DARS1: variants seen among roughly 807,000 people sequenced by gnomAD.
DARS1 encodes the protein aspartate--tRNA ligase, cytoplasmic.
In DARS1, 51 loss-of-function variants were observed where a neutral mutation model predicts 68.8. The observed-to-expected ratio is 0.74, with a 90% CI of 0.59 to 0.94. DARS1 has a LOEUF of 0.94. Among genes scored for constraint, DARS1 ranks in the 40% least tolerant of loss-of-function variants. The pLI, the probability that DARS1 is intolerant of heterozygous loss-of-function variation, is 0.00. For missense variants in DARS1, 607 were observed against 597.3 expected (o/e 1.02, Z -0.17); for synonymous variants, 203 against 190.4 (o/e 1.07, Z -0.55).
chr2:135,907,418 C>T lies in DARS1; in HGVS notation c.1415-11G>A, dbSNP rs1206183632. 1 of 1,581,550 alleles carries T rather than the reference C, an allele frequency of 6.3e-7. No individual in the cohort carries two copies. Among genetic ancestry groups the T allele is most frequent in the African/African-American group, 1.4e-5 (1 of 73,794 alleles). ...TAACTCGTTCCAATCCTGGGGAAGA[C>T]AAAAATAATCATTAATTCCTTTTTG... On this transcript the variant is annotated splice_polypyrimidine_tract_variant and intron_variant, in intron 15 of 15. Coordinates refer to ENST00000264161, the MANE Select transcript of DARS1 (RefSeq NM_001349.4).
At chr2:135,979,049 A>T in intron 3 of DARS1, 1 of 368,416 alleles carries the variant, frequency 2.7e-6, no homozygotes, top group Non-Finnish European at 4.8e-6. Context: ...AGTAGCTTGA[A>T]GTCTTAGATT....
chr2:135,949,785 T>C (rs958253097), intron 4 of DARS1, among the ~76,000 whole-genome samples: 38 of 152,204 alleles, frequency 2.5e-4, no homozygotes, highest in African/African-American at 8.4e-4. Context: ...GATTACTCTA[T>C]TGATGAATTG....
At chr2:135,963,453 C>A (rs1327631611) in intron 3 of DARS1, among the ~76,000 whole-genome samples, 1 of 151,352 alleles carries the variant, frequency 6.6e-6, no homozygotes, top group East Asian at 1.9e-4. Context: ...CTCACTGCAA[C>A]CTCCGCCCCC....
chr2:135,936,931 G>C (rs752932202), intron 5 of DARS1, among the ~76,000 whole-genome samples: 8 of 152,118 alleles, frequency 5.3e-5, no homozygotes, highest in Non-Finnish European at 8.8e-5. Flanking sequence ...ATGTGCACAC[G>C]GATCAGGGCG....
At position 135,906,983 on chromosome 2, in the gene DARS1, C is replaced by T. The variant is rs1374681932; in HGVS notation, c.*333G>A. 6.2e-6 allele frequency: 1 copy of T among 160,850 alleles called. No homozygotes were observed. The highest frequency in any genetic ancestry group is 1.4e-5 in the Non-Finnish European group (1 of 73,668). 10.0% of individuals were successfully genotyped at this position (160,850 alleles called of 1,614,324 possible). A position where few individuals can be genotyped will look rare whatever the true frequency, so the allele number is the denominator to read the frequency against. Reference sequence around the variant, plus strand: ...TAGAAAAGAAGAAAAATTGTACAATCTTAACTGTTTAAAACTCTTAACGTT... The same window carrying T: ...TAGAAAAGAAGAAAAATTGTACAATTTTAACTGTTTAAAACTCTTAACGTT... On this transcript the variant is annotated 3_prime_UTR_variant, in exon 16 of 16. Transcript: ENST00000264161.
At chr2:135,968,039 C>CACCTGAGGTCAGGAG (rs1682277220) in intron 3 of DARS1, among the ~76,000 whole-genome samples, 1 of 152,140 alleles carries the variant, frequency 6.6e-6, no homozygotes, top group South Asian at 2.1e-4. Context: ...GTGGGCAGAT[C>CACCTGAGGTCAGGAG]ACCTGAGGTC....
At chr2:135,914,784 T>C in intron 11 of DARS1, 1 of 296,150 alleles carries the variant, frequency 3.4e-6, no homozygotes. Context: ...AGAAATATCA[T>C]GGATGAAGTA....
intron 3 of DARS1, among the ~76,000 whole-genome samples, chr2:135,978,330 C>A (rs964153372): frequency 6.6e-6 from 1 of 151,954 alleles, no homozygotes. Flanking sequence ...TTAAATACTA[C>A]AGAAGCAAAG....
intron 3 of DARS1, among the ~76,000 whole-genome samples, chr2:135,964,653 C>T (rs1682180694): frequency 6.6e-6 from 1 of 151,842 alleles, no homozygotes; most frequent in Admixed American, 6.6e-5. Flanking sequence ...CTAGGTTGGC[C>T]AACGTGGTGA....
chr2:135,978,494 A>G lies in DARS1; in HGVS notation c.217+780T>C, dbSNP rs1473223854. The stretch of plus-strand genomic sequence containing the variant: ...GAATGCTTGTTCTGCCTACTTCACA[A>G]ACTTGCAGGGATGATCAAATGTGAA... On this transcript the variant is annotated intron_variant, in intron 3 of 15. Transcript: ENST00000264161. 4.6e-5 allele frequency among the ~76,000 whole-genome samples: 7 copies of G among 152,376 alleles called. No individual in the cohort carries two copies. In the East Asian group the frequency reaches 1.3e-3, roughly 29 times the overall value.
chr2:135,984,074 C>T (rs1229805298), intron 1 of DARS1, among the ~76,000 whole-genome samples: 1 of 152,158 alleles, frequency 6.6e-6, no homozygotes, highest in African/African-American at 2.4e-5. Flanking sequence ...TATCAAATTT[C>T]TTGTTACAGA....
At chr2:135,974,354 TA>T (rs1682451216) in intron 3 of DARS1, among the ~76,000 whole-genome samples, 1 of 152,226 alleles carries the variant, frequency 6.6e-6, no homozygotes, top group Non-Finnish European at 1.5e-5. Flanking sequence ...AGTCCACGAA[TA>T]ATGAGGATCA....
At position 135,979,280 on chromosome 2, in the gene DARS1, C is replaced by T. The variant is rs1220818834; in HGVS notation, c.211G>A (p.Ala71Thr). 2 of 1,338,234 alleles carry T rather than the reference C, an allele frequency of 1.5e-6. No individual in the cohort carries two copies. The highest frequency in any genetic ancestry group is 2.3e-5 in the South Asian group (2 of 85,274). 82.9% of individuals were successfully genotyped at this position (1,338,234 alleles called of 1,614,324 possible). Residue 71 changes from alanine (A) to threonine (T), a missense_variant, in exon 3 of 16, where the codon GCT (alanine) becomes ACT (threonine). Ala to Thr is a moderately conservative substitution (Grantham distance 58). Transcript: ENST00000264161. ...WVRARVHTSRAKGKQCFLVLR... is the reference protein window; with the variant it reads ...WVRARVHTSRTKGKQCFLVLR... ...ATAATGAAACCAATCCTACCTTTAGCTCTGCTTGTATGAACTCTTGCACGT... is the reference window on the plus strand; with the variant it reads ...ATAATGAAACCAATCCTACCTTTAGTTCTGCTTGTATGAACTCTTGCACGT...
At chr2:135,961,352 C>T in intron 4 of DARS1, 44 bp downstream of exon 4, 7 of 906,790 alleles carry the variant, frequency 7.7e-6, no homozygotes, top group Non-Finnish European at 1.3e-5. Flanking sequence ...GTCTTGGTTC[C>T]CACCATTGTT....
chr2:135,961,431 G>T lies in DARS1; in HGVS notation c.285C>A (p.Asp95Glu). 1 of 1,524,290 alleles carries T rather than the reference G, an allele frequency of 6.6e-7. No homozygotes were observed. The highest frequency in any genetic ancestry group is 9.1e-7 in the Non-Finnish European group (1 of 1,098,016). 94.4% of individuals were successfully genotyped at this position (1,524,290 alleles called of 1,614,324 possible). Residue 95 changes from aspartate to glutamate, a missense_variant, in exon 4 of 16, where the codon GAC becomes GAA. Asp to Glu is a conservative substitution (Grantham distance 45, BLOSUM62 2). Transcript: ENST00000264161. ...FNVQALVAVG[D>E]HASKQMVKFA... Reference sequence around the variant, plus strand: ...ATTTAACCATCTGCTTGCTTGCATGGTCTCCCACCGCCACAAGAGCCTGGA... The same window carrying T: ...ATTTAACCATCTGCTTGCTTGCATGTTCTCCCACCGCCACAAGAGCCTGGA...
intron 11 of DARS1, among the ~76,000 whole-genome samples, chr2:135,915,781 C>G (rs1195663069): frequency 6.6e-6 from 1 of 151,984 alleles, no homozygotes; most frequent in Non-Finnish European, 1.5e-5. Context: ...CTGCTGTCTA[C>G]CTTCTCTAAT....
At chr2:135,934,159 A>T (rs1445459599) in intron 5 of DARS1, among the ~76,000 whole-genome samples, 169 bp from the exon 6 acceptor site, 1 of 152,176 alleles carries the variant, frequency 6.6e-6, no homozygotes, top group African/African-American at 2.4e-5. Context: ...CACCTTGATG[A>T]TTTGTTTAAA....
At chr2:135,945,037 C>T (rs1681689789) in intron 4 of DARS1, among the ~76,000 whole-genome samples, 1 of 152,168 alleles carries the variant, frequency 6.6e-6, no homozygotes, top group Admixed American at 6.5e-5. Flanking sequence ...CCTCGTCTCA[C>T]AAACTTTGAC....
intron 5 of DARS1, among the ~76,000 whole-genome samples, chr2:135,940,373 G>A (rs574692335): frequency 5.5e-4 from 83 of 152,182 alleles, no homozygotes; most frequent in African/African-American, 1.8e-3. Flanking sequence ...ATCAATAAAC[G>A]TAATCCAGCA....
Sources: gnomAD v4.1 joint callset for allele counts (sites outside exome capture counted in the v4.1 genomes callset) on GRCh38, gnomAD v4.1.1 for gene constraint, MANE v1.5 for transcripts, NCBI Gene and HGNC (gene_info 2026-07-23, HGNC 2026-07-21) for gene names.